Variants in RPTOR observed in about 807,000 individuals in gnomAD.
RPTOR encodes regulatory associated protein of MTOR complex 1, also known as regulatory-associated protein of mTOR.
A neutral mutation model predicts 169.9 loss-of-function variants in RPTOR; 21 were observed. The observed-to-expected ratio is 0.12, with a 90% CI of 0.09 to 0.18. RPTOR has a LOEUF of 0.18. Among genes scored for constraint, RPTOR ranks in the 10% least tolerant of loss-of-function variants. The pLI is 1.00. For synonymous variants in RPTOR, 732 were observed against 753.2 expected, an observed-to-expected ratio of 0.97 and a Z score of 0.46; for missense variants, 1,133 against 1,855.9, an observed-to-expected ratio of 0.61 and a Z score of 7.16.
chr17:80,951,691 C>G (rs2069180488), intron 28 of RPTOR, among the ~76,000 whole-genome samples: 1 of 152,198 alleles, frequency 6.6e-6, no homozygotes. Context: ...AGAATCTGAA[C>G]TGAAAAAGGA....
chr17:80,644,241 T>G (rs2065575604), intron 3 of RPTOR, among the ~76,000 whole-genome samples: 1 of 151,786 alleles, frequency 6.6e-6, no homozygotes, highest in African/African-American at 2.4e-5. Context: ...ACACTTATTA[T>G]ATGCTTTGCC....
intron 2 of RPTOR, among the ~76,000 whole-genome samples, chr17:80,628,178 G>GT (rs1027811204): frequency 2.5e-4 from 38 of 152,036 alleles, no homozygotes; most frequent in Non-Finnish European, 4.1e-4. Context: ...TGAACTGTCG[G>GT]TTTTTTAAAG....
intron 1 of RPTOR, among the ~76,000 whole-genome samples, chr17:80,597,826 T>G (rs1316600662): frequency 6.6e-6 from 1 of 151,486 alleles, no homozygotes; most frequent in African/African-American, 2.4e-5. Context: ...GTTTTTTTTG[T>G]TTTTGGTTTT....
At chr17:80,743,709 A>ACAGCC (rs2066509868) in intron 5 of RPTOR, among the ~76,000 whole-genome samples, 1 of 108,496 alleles carries the variant, frequency 9.2e-6, no homozygotes. Flanking sequence ...GGCTACTAGC[A>ACAGCC]CTGTCCTGGC....
At chr17:80,627,968 AG>A (rs1313141558) in intron 2 of RPTOR, among the ~76,000 whole-genome samples, 2 of 151,522 alleles carry the variant, frequency 1.3e-5, no homozygotes, top group Non-Finnish European at 2.9e-5. Flanking sequence ...CCTCCCGAGT[AG>A]CTGGGATTAC....
chr17:80,656,148 G>A (rs966317443), intron 3 of RPTOR, among the ~76,000 whole-genome samples: 2 of 152,242 alleles, frequency 1.3e-5, no homozygotes, highest in East Asian at 1.9e-4. Flanking sequence ...TCGGCTCACC[G>A]CAACCTCTGC....
At chr17:80,858,016 C>T (rs901257108) in intron 13 of RPTOR, 116 bp downstream of exon 13, 19 of 804,592 alleles carry the variant, frequency 2.4e-5, no homozygotes, top group East Asian at 7.9e-5. Flanking sequence ...CTCCAGGCAC[C>T]GCCGTTCCCT....
intron 1 of RPTOR, among the ~76,000 whole-genome samples, chr17:80,608,542 G>C (rs2065244950): frequency 6.6e-6 from 1 of 152,176 alleles, no homozygotes; most frequent in African/African-American, 2.4e-5. Context: ...GGGGTATCAG[G>C]AAGAGAAGAA....
chr17:80,583,969 G>A (rs975478210), intron 1 of RPTOR, among the ~76,000 whole-genome samples: 16 of 152,246 alleles, frequency 1.1e-4, no homozygotes, highest in African/African-American at 3.9e-4. Context: ...TCCTGTCCTC[G>A]GGCAGCTGCC....
At chr17:80,628,797 G>T (rs2065416020) in intron 2 of RPTOR, among the ~76,000 whole-genome samples, 1 of 151,862 alleles carries the variant, frequency 6.6e-6, no homozygotes, top group South Asian at 2.1e-4. Flanking sequence ...ATTCTTTTTG[G>T]GTTTCTGTGA....
intron 13 of RPTOR, among the ~76,000 whole-genome samples, chr17:80,858,286 G>A (rs891707483): frequency 3.9e-5 from 6 of 152,124 alleles, no homozygotes; most frequent in Admixed American, 2.6e-4. Flanking sequence ...CCTCTGCCTC[G>A]CCCAGACCCC....
intron 1 of RPTOR, among the ~76,000 whole-genome samples, chr17:80,615,758 A>G (rs1047396090): frequency 1.3e-5 from 2 of 151,280 alleles, no homozygotes; most frequent in African/African-American, 4.9e-5. Context: ...CCCTTCCTCC[A>G]TTCTTTTTCT....
intron 8 of RPTOR, 25 bp downstream of exon 8, chr17:80,822,326 G>A: frequency 1.2e-6 from 2 of 1,610,876 alleles, no homozygotes; most frequent in Non-Finnish European, 1.7e-6. Context: ...GGGCCTTGGG[G>A]AGGGAGGCTA....
At chr17:80,873,888 C>T (rs911310033) in intron 13 of RPTOR, among the ~76,000 whole-genome samples, 6 of 152,182 alleles carry the variant, frequency 3.9e-5, no homozygotes, top group Admixed American at 2.0e-4. Flanking sequence ...GGACAGCACT[C>T]GGTCTGTGCT....
chr17:80,649,650 G>C (rs1382296881), intron 3 of RPTOR, among the ~76,000 whole-genome samples: 1 of 152,164 alleles, frequency 6.6e-6, no homozygotes, highest in Non-Finnish European at 1.5e-5. Context: ...TGGTGGTCTT[G>C]GGGTTAACTG....
chr17:80,729,449 C>A (rs2066370424), intron 4 of RPTOR, among the ~76,000 whole-genome samples: 1 of 152,172 alleles, frequency 6.6e-6, no homozygotes, highest in South Asian at 2.1e-4. Context: ...GTAAGTGTTT[C>A]TCAAGTGAGA....
intron 10 of RPTOR, among the ~76,000 whole-genome samples, chr17:80,842,765 C>T (rs2067685184): frequency 6.6e-6 from 1 of 152,214 alleles, no homozygotes; most frequent in Non-Finnish European, 1.5e-5. Context: ...CGCTCTTTGT[C>T]AGCTAGCAGC....
At chr17:80,841,456 C>T (rs74195612) in intron 10 of RPTOR, among the ~76,000 whole-genome samples, 34 of 133,766 alleles carry the variant, frequency 2.5e-4, no homozygotes, top group Non-Finnish European at 5.1e-4. Context: ...GCAGCTCACT[C>T]TCACCACACG....
At chr17:80,789,704 G>C (rs1428255989) in intron 6 of RPTOR, among the ~76,000 whole-genome samples, 1 of 152,212 alleles carries the variant, frequency 6.6e-6, no homozygotes, top group Non-Finnish European at 1.5e-5. Flanking sequence ...CACATGACTT[G>C]TGAGTGAGGA....
Sources: allele counts gnomAD v4.1 joint callset (sites outside exome capture counted in the v4.1 genomes callset), GRCh38; gene constraint gnomAD v4.1.1; transcripts MANE v1.5; gene names NCBI Gene and HGNC (gene_info 2026-07-23, HGNC 2026-07-21).